Variants in EFHC2 observed in about 807,000 individuals in gnomAD.
The protein encoded by EFHC2 is EF-hand domain-containing family member C2.
EFHC2 carries 18 observed loss-of-function variants against 52.7 expected under a neutral mutation model. That is an observed-to-expected ratio of 0.34 (90% CI 0.24 to 0.51). The LOEUF (loss-of-function observed/expected upper bound fraction) is 0.51, where lower values mean the gene tolerates loss of function less well. Ranked by LOEUF, EFHC2 falls within the 20% of genes least tolerant of loss-of-function variation. The pLI is 0.97. For synonymous variants in EFHC2, 203 were observed against 204.1 expected, an observed-to-expected ratio of 0.99 and a Z score of 0.04; for missense variants, 513 against 562.5, an observed-to-expected ratio of 0.91 and a Z score of 0.89.
chrX:44,233,237 T>G (rs954413296), intron 9 of EFHC2, among the ~76,000 whole-genome samples: 2 of 111,869 alleles, frequency 1.8e-5, no homozygotes, highest in African/African-American at 6.5e-5. Context: ...TTGTCCCAGA[T>G]GATGTCTTAT....
Position 44,214,864 on chromosome X carries a change from G to C in EFHC2, c.1751+14785C>G, listed in dbSNP as rs148958566. 2.7e-3 allele frequency among the ~76,000 whole-genome samples: 303 copies of C among 111,809 alleles called. 1 individual carries two copies. The highest frequency in any genetic ancestry group is 9.2e-3 in the African/African-American group (284 of 30,757). On this transcript the variant is annotated intron_variant, in intron 11 of 14. Transcript: ENST00000420999. ...AATGATACAAGAGAAGGGGGAAGGA[G>C]TACTTGCCTACTGGTGAAGCTAGTA...
chrX:44,180,914 G>A (rs2036829678), intron 11 of EFHC2, among the ~76,000 whole-genome samples: 1 of 89,520 alleles, frequency 1.1e-5, no homozygotes, highest in Non-Finnish European at 2.2e-5. Context: ...GCAACATAGT[G>A]AGAACCCATC....
chrX:44,189,122 CAAA>C (rs35770665), intron 11 of EFHC2, among the ~76,000 whole-genome samples: 1 of 46,368 alleles, frequency 2.2e-5, no homozygotes, highest in African/African-American at 7.8e-5. Flanking sequence ...GACTCTATCT[CAAA>C]AAAAAAAAAA....
At chrX:44,223,283 G>A (rs780183850) in intron 11 of EFHC2, among the ~76,000 whole-genome samples, 8 of 112,567 alleles carry the variant, frequency 7.1e-5, no homozygotes, top group Admixed American at 9.4e-5. Context: ...GGTAAAGGAC[G>A]ATTGCCAGAA....
rs185677808 is a variant in EFHC2 at position 44,288,561 on chromosome X, A to G, written c.232-15725T>C. On this transcript the variant is annotated intron_variant, in intron 2 of 14. Transcript: ENST00000420999. ...CAATTCCAGCATTGTACTTAAGTCA[A>G]TTTTGCTAATTAATACTATTCACTT... Among the ~76,000 whole-genome samples the G allele has an allele frequency of 6.3e-5, 7 of 111,230 alleles. No homozygotes were observed. In the East Asian group the frequency reaches 1.4e-3, roughly 22 times the overall value.
rs2037489611 is a variant in EFHC2, at chrX:44,256,076, T to C, written c.606+4999A>G. ...AAATAAATAAGTTCTTTGAAACAAA[T>C]GACAACAAAGACACAACATACCAGA... On this transcript the variant is annotated intron_variant, in intron 4 of 14. Transcript: ENST00000420999. 3.6e-5 allele frequency among the ~76,000 whole-genome samples: 4 copies of C among 111,502 alleles called. No individual in the cohort carries two copies. The South Asian group carries it at 1.5e-3, about 41-fold the overall frequency.
intron 2 of EFHC2, chrX:44,309,933 G>A: frequency 1.0e-6 from 1 of 990,968 alleles, no homozygotes; most frequent in African/African-American, 1.9e-5. Context: ...TTTGATGTAA[G>A]TGTCAATAAG....
chrX:44,168,315 G>A (rs1037839066), intron 13 of EFHC2, among the ~76,000 whole-genome samples: 2 of 111,621 alleles, frequency 1.8e-5, no homozygotes, highest in Non-Finnish European at 3.8e-5. Flanking sequence ...GGCGGATCAC[G>A]AGGTCAGGAG....
chrX:44,273,619 T>G (rs2037633302), intron 2 of EFHC2, among the ~76,000 whole-genome samples: 1 of 111,934 alleles, frequency 8.9e-6, no homozygotes, highest in South Asian at 3.7e-4. Context: ...TTCTTTATGC[T>G]TAGGTGCCAT....
At chrX:44,161,190 G>C (rs1283980457) in intron 14 of EFHC2, among the ~76,000 whole-genome samples, 2 of 111,891 alleles carry the variant, frequency 1.8e-5, no homozygotes, top group African/African-American at 6.5e-5. Context: ...CAATGACAAA[G>C]GCTTATAGCA....
At chrX:44,241,435 C>T (rs1816641482) in intron 8 of EFHC2, among the ~76,000 whole-genome samples, 1 of 112,172 alleles carries the variant, frequency 8.9e-6, no homozygotes, top group South Asian at 3.7e-4. Flanking sequence ...GTGAAAACAA[C>T]ATTAATCACC....
intron 11 of EFHC2, among the ~76,000 whole-genome samples, chrX:44,207,146 G>T (rs1203891334): frequency 8.9e-6 from 1 of 112,026 alleles, no homozygotes; most frequent in Non-Finnish European, 1.9e-5. Flanking sequence ...AAATGGTGCT[G>T]GGAAAACTGG....
chrX:44,303,771 G>A (rs778867320), intron 2 of EFHC2, among the ~76,000 whole-genome samples: 11 of 111,303 alleles, frequency 9.9e-5, no homozygotes, highest in East Asian at 2.8e-4. Context: ...TTACAAGCTC[G>A]ATGTCAATTA....
At chrX:44,334,307 C>T (rs888252490) in intron 1 of EFHC2, among the ~76,000 whole-genome samples, 4 of 111,713 alleles carry the variant, frequency 3.6e-5, no homozygotes, top group Admixed American at 9.5e-5. Context: ...CTTCAATAAG[C>T]GGCCCAATCT....
intron 11 of EFHC2, among the ~76,000 whole-genome samples, chrX:44,224,910 G>GTGC (rs56365737): frequency 4.3e-4 from 47 of 109,396 alleles, no homozygotes; most frequent in Non-Finnish European, 7.8e-4. Context: ...TGGGCTCTCA[G>GTGC]TGCTGCTGCT....
chrX:44,157,144 T>C, intron 14 of EFHC2, among the ~76,000 whole-genome samples: 1 of 112,342 alleles, frequency 8.9e-6, no homozygotes, highest in Non-Finnish European at 1.9e-5. Context: ...AGACTAGCTA[T>C]ACTATAGTAC....
chrX:44,301,461 C>T (rs1220914926), intron 2 of EFHC2, among the ~76,000 whole-genome samples: 1 of 112,126 alleles, frequency 8.9e-6, no homozygotes. Flanking sequence ...ATTCCCCTAT[C>T]TTGATAAATG....
chrX:44,209,019 C>CTGTGTGTGTG (rs753101565), intron 11 of EFHC2, among the ~76,000 whole-genome samples: 22 of 69,975 alleles, frequency 3.1e-4, no homozygotes, highest in Admixed American at 1.4e-3. Context: ...GATTGGCAAT[C>CTGTGTGTGTG]TGTGTGTGTG....
At chrX:44,283,316 G>C (rs2037722866) in intron 2 of EFHC2, among the ~76,000 whole-genome samples, 1 of 111,057 alleles carries the variant, frequency 9.0e-6, no homozygotes, top group Non-Finnish European at 1.9e-5. Flanking sequence ...CCGAGTAGCT[G>C]GGACTACAGG....
Sources: allele counts gnomAD v4.1 joint callset (sites outside exome capture counted in the v4.1 genomes callset), GRCh38; gene constraint gnomAD v4.1.1; transcripts MANE v1.5; gene names NCBI Gene and HGNC (gene_info 2026-07-23, HGNC 2026-07-21).